The following CMC2 variants were observed in gnomAD, a reference collection of about 807,000 sequenced individuals.
The protein encoded by CMC2 is C-X9-C motif containing 2.
A neutral mutation model predicts 7.5 loss-of-function variants in CMC2; 5 were observed. The observed-to-expected ratio is 0.66, with a 90% CI of 0.35 to 1.40. The LOEUF (loss-of-function observed/expected upper bound fraction) is 1.40, where lower values mean the gene tolerates loss of function less well. CMC2 is among the 40% of genes most tolerant of loss of function. The pLI is 0.04. For synonymous variants in CMC2, 37 were observed against 31.4 expected (o/e 1.18, Z -0.60); for missense variants, 115 against 92.3 (o/e 1.25, Z -1.01).
At position 80,997,440 on chromosome 16, in the gene CMC2, A is replaced by G; in HGVS notation, c.-35-11T>C. ...TCACAGCAGTGCAACCTGTGGATAC[A>G]AGAGTGTCTTGAATATGCATAAACA... On this transcript the variant is annotated splice_polypyrimidine_tract_variant and intron_variant, in intron 1 of 3. Coordinates refer to ENST00000219400, the MANE Select transcript of CMC2 (RefSeq NM_020188.5). 1 of 1,423,436 alleles carries G rather than the reference A, an allele frequency of 7.0e-7. No individual in the cohort carries two copies. The highest frequency in any genetic ancestry group is 9.9e-7 in the Non-Finnish European group (1 of 1,007,322). 88.2% of individuals were successfully genotyped at this position (1,423,436 alleles called of 1,614,324 possible). A position where few individuals can be genotyped will look rare whatever the true frequency, so the allele number is the denominator to read the frequency against.
intron 1 of CMC2, among the ~76,000 whole-genome samples, chr16:81,004,711 G>C (rs1315578172): frequency 1.3e-5 from 2 of 152,212 alleles, no homozygotes; most frequent in East Asian, 3.8e-4. Flanking sequence ...GGTACTCTTA[G>C]TGAAGATATA....
rs1331722522 is a variant in CMC2 at position 81,006,759 on chromosome 16, C to G, written c.-61G>C. On this transcript the variant is annotated 5_prime_UTR_variant, in exon 1 of 4. Coordinates refer to ENST00000219400, the MANE Select transcript of CMC2 (RefSeq NM_020188.5). ...CCGACTCGTGGCCACACCGGGAGAA[C>G]TGAAGCGGCAGTAGCCGGCGGAGAC... is the stretch of plus-strand genomic sequence containing the variant. The G allele has an allele frequency of 6.1e-6, 6 of 985,614 alleles. No individual in the cohort carries two copies. The highest frequency in any genetic ancestry group is 1.7e-5 in the African/African-American group (1 of 57,242). 61.1% of individuals were successfully genotyped at this position (985,614 alleles called of 1,614,324 possible).
chr16:81,006,782 G>C lies in CMC2; in HGVS notation c.-84C>G, dbSNP rs1002552298. On this transcript the variant is annotated 5_prime_UTR_variant, in exon 1 of 4. Transcript: ENST00000219400. ...AACTGAAGCGGCAGTAGCCGGCGGA[G>C]ACGCCCGACCCGAAGGCCGGCTGCT... The C allele has an allele frequency of 8.1e-6, 8 of 985,544 alleles. No homozygotes were observed. The highest frequency in any genetic ancestry group is 7.2e-6 in the Non-Finnish European group (6 of 830,140). 61.0% of individuals were successfully genotyped at this position (985,544 alleles called of 1,614,324 possible). A position where few individuals can be genotyped will look rare whatever the true frequency, so the allele number is the denominator to read the frequency against.
intron 3 of CMC2, among the ~76,000 whole-genome samples, chr16:80,976,911 A>G (rs1912443665): frequency 6.6e-6 from 1 of 152,150 alleles, no homozygotes; most frequent in South Asian, 2.1e-4. Context: ...CTATAAAATG[A>G]CTTTTATTTC....
At chr16:80,984,139 A>T (rs1597227509) in intron 2 of CMC2, 1 of 152,226 alleles carries the variant, frequency 6.6e-6, no homozygotes, top group South Asian at 2.1e-4. Context: ...TATGAGTATT[A>T]TCGTGGCAAA....
Position 80,995,723 on chromosome 16 carries a change from A to G in CMC2, c.81+1591T>C, listed in dbSNP as rs550626608. 6.6e-5 allele frequency among the ~76,000 whole-genome samples: 10 copies of G among 152,300 alleles called. No homozygotes were observed. The South Asian group carries it at 1.7e-3, about 25-fold the overall frequency. On this transcript the variant is annotated intron_variant, in intron 2 of 3. Coordinates refer to ENST00000219400, the MANE Select transcript of CMC2 (RefSeq NM_020188.5). ...AATTCTAGAACTGCAAAATTCATCT[A>G]TATCAACAAAAAGTAGTGCAGTGGT...
intron 3 of CMC2, among the ~76,000 whole-genome samples, chr16:80,979,139 AAAC>A (rs1320433775): frequency 6.6e-6 from 1 of 152,218 alleles, no homozygotes; most frequent in African/African-American, 2.4e-5. Flanking sequence ...CATATGAAGC[AAAC>A]AGTAGCAGGA....
chr16:80,981,925 G>T (rs1404820697), intron 2 of CMC2, 48 bp from the exon 3 acceptor site: 1 of 1,216,036 alleles, frequency 8.2e-7, no homozygotes, highest in Non-Finnish European at 1.2e-6. Flanking sequence ...AATATGCCAA[G>T]GTTTGGGGCA....
chr16:80,968,654 G>C lies in CMC2; in HGVS notation c.*7439C>G, dbSNP rs1243455373. 1 of 152,100 alleles carries C rather than the reference G, an allele frequency of 6.6e-6. No homozygotes were observed. Among genetic ancestry groups the C allele is most frequent in the Non-Finnish European group, 1.5e-5 (1 of 68,020 alleles). The allele number at this position is 152,100 out of a possible 1,614,324, so 9.4% of individuals were successfully genotyped here. ...CTGTTTCTGGTAAAATAGCTCATTA[G>C]GTAATCTGAAAACACTCCTGCTAAA... is the stretch of plus-strand genomic sequence containing the variant. On this transcript the variant is annotated 3_prime_UTR_variant, in exon 4 of 4. Coordinates refer to ENST00000219400, the MANE Select transcript of CMC2 (RefSeq NM_020188.5).
chr16:80,997,047 T>C (rs1370395900), intron 2 of CMC2: 3 of 525,336 alleles, frequency 5.7e-6, no homozygotes, highest in African/African-American at 3.9e-5. Flanking sequence ...GAAAGCATTT[T>C]ATTGTAAGAA....
rs1229648728 is a variant in CMC2 at position 80,974,997 on chromosome 16, T to C, written c.*1096A>G. On this transcript the variant is annotated 3_prime_UTR_variant, in exon 4 of 4. Transcript: ENST00000219400. ...CTGGATATTATACACAGAACTCCAC[T>C]AGAAGGAGCTCACAGCTGAGTCTGT... The C allele has an allele frequency of 6.6e-6, 1 of 152,208 alleles. No individual in the cohort carries two copies. Among genetic ancestry groups the C allele is most frequent in the African/African-American group, 2.4e-5 (1 of 41,450 alleles). 9.4% of individuals were successfully genotyped at this position (152,208 alleles called of 1,614,324 possible).
intron 2 of CMC2, among the ~76,000 whole-genome samples, chr16:80,996,014 AAAC>A (rs1339379227): frequency 3.3e-5 from 5 of 152,206 alleles, no homozygotes; most frequent in South Asian, 2.1e-4. Flanking sequence ...AAGAAAAAAA[AAAC>A]AACAACGTTT....
chr16:80,989,672 T>C (rs1430920400), intron 2 of CMC2, among the ~76,000 whole-genome samples: 3 of 144,920 alleles, frequency 2.1e-5, no homozygotes, highest in East Asian at 2.0e-4. Context: ...ATATTGAATA[T>C]ATACATGAAA....
intron 2 of CMC2, among the ~76,000 whole-genome samples, chr16:80,986,020 A>G (rs575771129): frequency 2.6e-5 from 4 of 152,238 alleles, no homozygotes; most frequent in Admixed American, 6.5e-5. Context: ...CAAGACATTT[A>G]TAACGCATTG....
chr16:80,980,681 G>C (rs1394371985), intron 3 of CMC2: 2 of 530,262 alleles, frequency 3.8e-6, no homozygotes, highest in East Asian at 3.2e-5. Flanking sequence ...CTTGAGGTTA[G>C]CAGTTTGAGA....
At chr16:81,005,152 G>C (rs1167358383) in intron 1 of CMC2, among the ~76,000 whole-genome samples, 1 of 152,234 alleles carries the variant, frequency 6.6e-6, no homozygotes, top group East Asian at 1.9e-4. Context: ...TTTTAGGCTA[G>C]GCGCGGTGGC....
At chr16:80,996,351 T>C (rs1465223476) in intron 2 of CMC2, among the ~76,000 whole-genome samples, 1 of 152,236 alleles carries the variant, frequency 6.6e-6, no homozygotes, top group Non-Finnish European at 1.5e-5. Context: ...CATATACAAA[T>C]TGAAATATTC....
At chr16:80,979,902 G>A (rs2084961) in intron 3 of CMC2, among the ~76,000 whole-genome samples, 2,201 of 152,148 alleles carry the variant, frequency 0.014, 52 homozygotes, top group African/African-American at 0.05. Context: ...GATTATAGGC[G>A]TGGGCCACCA....
chr16:81,000,440 G>T (rs910138050), intron 1 of CMC2, among the ~76,000 whole-genome samples: 6 of 152,086 alleles, frequency 3.9e-5, no homozygotes, highest in African/African-American at 1.2e-4. Context: ...AGGTTGCAGT[G>T]AGCCAAGATG....
Sources: allele counts gnomAD v4.1 joint callset (sites outside exome capture counted in the v4.1 genomes callset), GRCh38; gene constraint gnomAD v4.1.1; transcripts MANE v1.5; gene names NCBI Gene and HGNC (gene_info 2026-07-23, HGNC 2026-07-21).